ARAF: variants seen among roughly 807,000 people sequenced by gnomAD.
ARAF encodes the protein A-Raf proto-oncogene, serine/threonine kinase, also known as serine/threonine-protein kinase A-Raf.
A neutral mutation model predicts 48.0 loss-of-function variants in ARAF; 18 were observed. The observed-to-expected ratio is 0.37, with a 90% CI of 0.26 to 0.56. The LOEUF is 0.56. Among genes scored for constraint, ARAF ranks in the 20% least tolerant of loss-of-function variants. The pLI is 0.77. For synonymous variants in ARAF, 207 were observed against 220.1 expected (o/e 0.94, Z 0.53); for missense variants, 389 against 543.1 (o/e 0.72, Z 2.82).
intron 6 of ARAF, 200 bp downstream of exon 6, chrX:47,565,550 G>C: frequency 1.7e-6 from 1 of 594,852 alleles, no homozygotes; most frequent in Non-Finnish European, 2.5e-6. Context: ...TGTAAAGAGG[G>C]GATGATGATA....
intron 13 of ARAF, 30 bp downstream of exon 13, chrX:47,569,687 C>T (rs1483201712): frequency 3.4e-6 from 4 of 1,173,892 alleles, no homozygotes; most frequent in Non-Finnish European, 4.6e-6. Flanking sequence ...ATGGGGGGCA[C>T]ATGGGGACGT....
At chrX:47,566,822 G>A (rs756992932) in intron 7 of ARAF, 42 bp downstream of exon 7, 1 of 1,211,820 alleles carries the variant, frequency 8.3e-7, no homozygotes, top group Admixed American at 2.2e-5. Flanking sequence ...ACAGGGCAGA[G>A]GGTAGAGCCA....
In ARAF at chrX:47,571,110, AGTGTGT is replaced by A. The variant is rs34644595; in HGVS notation, c.1686+125_1686+130del. The A allele has an allele frequency of 2.5e-3, 2,024 of 811,741 alleles. 12 individuals are homozygous for A. In the African/African-American group the frequency reaches 0.026, roughly 10 times the overall value. 66.9% of individuals were successfully genotyped at this position (811,741 alleles called of 1,213,427 possible). On this transcript the variant is annotated intron_variant, in intron 15 of 15. Coordinates refer to ENST00000377045, the MANE Select transcript of ARAF (RefSeq NM_001654.5). ...TGTGAATATGAAAGCTCAGAGGTAT[AGTGTGT>A]GTGTGTGTGTGTGTGTGTGTGTGTG...
chrX:47,568,731 G>C lies in ARAF; in HGVS notation c.1090G>C (p.Val364Leu). ...EMQVLRKTRH[V>L]NILLFMGFMT... is the part of the protein sequence containing the mutation. ...CCCTGCCTGCAGGAAGACGCGACAT[G>C]TCAACATCTTGCTGTTTATGGGCTT... Residue 364 changes from valine to leucine, a missense_variant, in exon 11 of 16, where the codon GTC (valine) becomes CTC (leucine). This residue lies in a region of ARAF where 170 missense variants were observed against 281.4 expected (regional missense o/e 0.60). Transcript: ENST00000377045. 8.3e-7 allele frequency: 1 copy of C among 1,211,203 alleles called. No individual in the cohort carries two copies. Among genetic ancestry groups the C allele is most frequent in the Non-Finnish European group, 1.1e-6 (1 of 894,897 alleles).
At chrX:47,569,817 G>A in intron 13 of ARAF, 76 bp from the exon 14 acceptor site, 1 of 1,160,656 alleles carries the variant, frequency 8.6e-7, no homozygotes, top group Non-Finnish European at 1.2e-6. Context: ...ACCCTGTGTG[G>A]CCAGTGGGAT....
Position 47,567,091 on chromosome X carries a change from A to G in ARAF, c.833A>G (p.Gln278Arg). 1 of 1,211,919 alleles carries G rather than the reference A, an allele frequency of 8.3e-7. No individual in the cohort carries two copies. The highest frequency in any genetic ancestry group is 2.3e-4 in the Middle Eastern group (1 of 4,356). Residue 278 changes from glutamine (Q) to arginine (R), a missense_variant, in exon 9 of 16, where the codon CAG becomes CGG. Physicochemically the swap from Gln to Arg is conservative, Grantham distance 43. Coordinates refer to ENST00000377045, the MANE Select transcript of ARAF (RefSeq NM_001654.5). The part of the protein sequence containing the change: ...KSPHSKSPAE[Q>R]RERKSLADDK... ...CCACATTCCAAGTCACCAGCAGAGC[A>G]GCGCGAGCGGAAGTCCTTGGCCGAT... is the stretch of plus-strand genomic sequence containing the variant.
intron 14 of ARAF, among the ~76,000 whole-genome samples, chrX:47,570,592 G>A (rs999146242): frequency 9.1e-6 from 1 of 110,136 alleles, no homozygotes; most frequent in African/African-American, 3.3e-5. Context: ...ATGTTTTCCC[G>A]AGACTCAGTA....
chrX:47,565,837 C>G (rs1197698713), intron 6 of ARAF: 2 of 145,382 alleles, frequency 1.4e-5, no homozygotes, highest in Non-Finnish European at 2.3e-5. Flanking sequence ...TATTATTGCT[C>G]TAATATATAT....
Position 47,568,872 on chromosome X carries a change from C to T in ARAF, c.1231C>T (p.Arg411Trp), listed in dbSNP as rs1290811116. The T allele has an allele frequency of 1.7e-6, 2 of 1,210,034 alleles. No homozygotes were observed. The highest frequency in any genetic ancestry group is 2.2e-6 in the Non-Finnish European group (2 of 894,831). ...CATGGTCCAGCTCATCGACGTGGCC[C>T]GGCAGACTGCCCAGGGCATGGAGTG... ...FDMVQLIDVARQTAQGMDYLH... is the reference protein window; with the variant it reads ...FDMVQLIDVAWQTAQGMDYLH... The change falls in exon 11 of 16, where the codon CGG (arginine) becomes TGG (tryptophan). Residue 411 changes from arginine to tryptophan, a missense_variant. Physicochemically the swap from Arg to Trp is moderately radical, Grantham distance 101. This residue lies in a region of ARAF where 170 missense variants were observed against 281.4 expected (regional missense o/e 0.60). Transcript: ENST00000377045.
At chrX:47,566,809 A>G (rs749134130) in intron 7 of ARAF, 29 bp downstream of exon 7, 2 of 1,211,226 alleles carry the variant, frequency 1.7e-6, no homozygotes, top group Non-Finnish European at 2.2e-6. Flanking sequence ...AATGCCGGGG[A>G]CCACAGGGCA....
chrX:47,569,791 G>T, intron 13 of ARAF, 102 bp from the exon 14 acceptor site: 1 of 1,126,497 alleles, frequency 8.9e-7, no homozygotes. Flanking sequence ...ACCTCGTGTG[G>T]GTGGCTCTGA....
chrX:47,565,414 C>T (rs931036127), intron 6 of ARAF, 64 bp downstream of exon 6: 283 of 1,137,104 alleles, frequency 2.5e-4, no homozygotes, highest in Non-Finnish European at 3.1e-4. Context: ...TTGTAGACCA[C>T]GAGCCATACT....
chrX:47,571,059 T>C, intron 15 of ARAF, 47 bp downstream of exon 15: 1 of 1,184,306 alleles, frequency 8.4e-7, no homozygotes. Context: ...GACTCTGGGA[T>C]AGAGGAAGAC....
intron 15 of ARAF, 102 bp downstream of exon 15, chrX:47,571,114 T>A (rs2147909983): frequency 7.3e-6 from 4 of 545,684 alleles, no homozygotes; most frequent in Non-Finnish European, 4.9e-6. Context: ...AGGTATAGTG[T>A]GTGTGTGTGT....
At chrX:47,569,680 G>A in intron 13 of ARAF, 23 bp downstream of exon 13, 6 of 1,177,950 alleles carry the variant, frequency 5.1e-6, no homozygotes, top group Non-Finnish European at 6.9e-6. Context: ...AGGCTGGATG[G>A]GGGGCACATG....
chrX:47,566,761 T>A lies in ARAF; in HGVS notation c.680T>A (p.Met227Lys), dbSNP rs1489802148. Residue 227 changes from methionine (M) to lysine (K), a missense_variant, in exon 7 of 16, where the codon ATG becomes AAG. Met to Lys is a moderately conservative substitution (Grantham distance 95). This residue lies in a region of ARAF where 154 missense variants were observed against 133.6 expected (regional missense o/e 1.15). Transcript: ENST00000377045. ...NVHMVSTTAP[M>K]DSNLIQLTGQ... ...CATATGGTCAGCACCACGGCCCCCATGGACTCCAACCTCATCCAGGTTGGT... is the reference window on the plus strand; with the variant it reads ...CATATGGTCAGCACCACGGCCCCCAAGGACTCCAACCTCATCCAGGTTGGT... 8.3e-7 allele frequency: 1 copy of A among 1,209,750 alleles called. No individual in the cohort carries two copies. Among genetic ancestry groups the A allele is most frequent in the Admixed American group, 2.2e-5 (1 of 45,948 alleles).
At position 47,571,110 on chromosome X, in the gene ARAF, AGTGTGTGTGTGT is replaced by A. The variant is rs34644595; in HGVS notation, c.1686+119_1686+130del. On this transcript the variant is annotated intron_variant, in intron 15 of 15. Transcript: ENST00000377045. ...TGTGAATATGAAAGCTCAGAGGTAT[AGTGTGTGTGTGT>A]GTGTGTGTGTGTGTGTGTGTTTCAC... 1.1e-4 allele frequency: 91 copies of A among 816,875 alleles called. No individual in the cohort carries two copies. The East Asian group carries it at 2.7e-3, about 24-fold the overall frequency. The allele number at this position is 816,875 out of a possible 1,213,427, so 67.3% of individuals were successfully genotyped here.
Position 47,565,022 on chromosome X carries a change from TC to T in ARAF, c.342del (p.Cys115AlafsTer33). On this transcript the variant is annotated frameshift_variant, in exon 5 of 16. Transcript: ENST00000377045. LOFTEE classifies it high-confidence loss of function. ...TTCTTCAGCCTGGCGTTCTGTGACT[TC>T]TGCCTTAAGTTTCTGTTCCATGGCT... ...KTFFSLAFCD[F>X]CLKFLFHGFR... The T allele has an allele frequency of 8.3e-7, 1 of 1,211,923 alleles. No homozygotes were observed. The highest frequency in any genetic ancestry group is 1.1e-6 in the Non-Finnish European group (1 of 895,548).
chrX:47,569,125 G>C, intron 12 of ARAF, 92 bp downstream of exon 12: 1 of 1,066,908 alleles, frequency 9.4e-7, no homozygotes, highest in African/African-American at 1.8e-5. Flanking sequence ...ACAAGGGAGG[G>C]GCATGTGTCC....
Sources: allele counts gnomAD v4.1 joint callset (sites outside exome capture counted in the v4.1 genomes callset), GRCh38; gene constraint gnomAD v4.1.1; regional missense constraint gnomAD v4.1.1; transcripts MANE v1.5; gene names NCBI Gene and HGNC (gene_info 2026-07-23, HGNC 2026-07-21).